Variants in RIMS2 observed in about 807,000 individuals in gnomAD.
The protein encoded by RIMS2 is regulating synaptic membrane exocytosis 2, also known as regulating synaptic membrane exocytosis protein 2.
RIMS2 carries 59 observed loss-of-function variants against 174.4 expected under a neutral mutation model. The observed-to-expected ratio is 0.34, with a 90% confidence interval of 0.27 to 0.42. The LOEUF (loss-of-function observed/expected upper bound fraction) is 0.42. Ranked by LOEUF, RIMS2 falls within the 10% of genes least tolerant of loss-of-function variation. The pLI, the probability that RIMS2 is intolerant of heterozygous loss-of-function variation, is 1.00. For synonymous variants in RIMS2, 606 were observed against 572.5 expected, an observed-to-expected ratio of 1.06 and a Z score of -0.84; for missense variants, 1,620 against 1,666.3, an observed-to-expected ratio of 0.97 and a Z score of 0.48.
At chr8:103,765,523 T>G (rs2098161345) in intron 2 of RIMS2, among the ~76,000 whole-genome samples, 2 of 152,172 alleles carry the variant, frequency 1.3e-5, no homozygotes, top group African/African-American at 2.4e-5. Context: ...ATGTTGTGTC[T>G]TTTGCCACAG....
chr8:103,604,309 T>A lies in RIMS2; in HGVS notation c.177-92777T>A, dbSNP rs199646990. Among the ~76,000 whole-genome samples, 9 of 151,776 alleles carry A rather than the reference T, an allele frequency of 5.9e-5. No homozygotes were observed. In the East Asian group the frequency reaches 7.7e-4, roughly 13 times the overall value. On this transcript the variant is annotated intron_variant, in intron 1 of 23. Coordinates refer to ENST00000504942, the Ensembl canonical transcript of RIMS2. ...GGTTTGTCAAAGATCAGATAGTTGT[T>A]GATATGCGGCGTTATTTCTGAGGGC...
chr8:104,128,654 G>A (rs969788805), intron 19 of RIMS2, among the ~76,000 whole-genome samples: 10 of 152,194 alleles, frequency 6.6e-5, no homozygotes, highest in Non-Finnish European at 1.0e-4. Context: ...CCAAGATCGC[G>A]CCATTGTACT....
intron 1 of RIMS2, among the ~76,000 whole-genome samples, chr8:103,541,596 T>A (rs1427578798): frequency 1.3e-5 from 2 of 152,140 alleles, no homozygotes; most frequent in Non-Finnish European, 2.9e-5. Context: ...ACTAGTAACA[T>A]GAACACATAT....
chr8:103,920,291 A>G (rs888668714), intron 9 of RIMS2, among the ~76,000 whole-genome samples: 67 of 152,058 alleles, frequency 4.4e-4, no homozygotes, highest in African/African-American at 1.5e-3. Context: ...TACATTACCA[A>G]AAGGAGCTAT....
chr8:103,616,705 A>T (rs2095512849), intron 1 of RIMS2, among the ~76,000 whole-genome samples: 1 of 152,170 alleles, frequency 6.6e-6, no homozygotes, highest in African/African-American at 2.4e-5. Flanking sequence ...AAAAAAAATC[A>T]CTAGTATTTC....
chr8:103,679,532 T>C (rs1169074373), intron 1 of RIMS2, among the ~76,000 whole-genome samples: 1 of 151,842 alleles, frequency 6.6e-6, no homozygotes, highest in African/African-American at 2.4e-5. Context: ...TATGAATAGG[T>C]AAACAACAAC....
intron 1 of RIMS2, among the ~76,000 whole-genome samples, chr8:103,656,544 A>G (rs952468929): frequency 7.9e-5 from 12 of 152,212 alleles, no homozygotes; most frequent in Admixed American, 7.9e-4. Context: ...TGGGAAAAAC[A>G]GACAAGCTGA....
intron 9 of RIMS2, chr8:103,920,560 A>G (rs75811709): frequency 6.9e-6 from 3 of 433,810 alleles, no homozygotes; most frequent in Non-Finnish European, 1.4e-5. Context: ...TTAATTTCCA[A>G]CACTAGTCTC....
chr8:103,565,850 A>G (rs556066749), intron 1 of RIMS2, among the ~76,000 whole-genome samples: 106 of 152,314 alleles, frequency 7.0e-4, no homozygotes, highest in Middle Eastern at 3.4e-3. Flanking sequence ...GGACGAGTCA[A>G]AGCAAAAGTA....
chr8:104,051,978 G>T (rs77862662), intron 19 of RIMS2, among the ~76,000 whole-genome samples: 4,085 of 152,204 alleles, frequency 0.027, 202 homozygotes, highest in African/African-American at 0.094. Context: ...AGTCTCTACA[G>T]CTTTGTTATA....
intron 19 of RIMS2, among the ~76,000 whole-genome samples, chr8:104,107,949 C>G (rs912687590): frequency 6.8e-6 from 1 of 147,326 alleles, no homozygotes; most frequent in Non-Finnish European, 1.5e-5. Context: ...AATAAATAGT[C>G]CAGGTGGTCT....
chr8:104,091,432 A>T (rs1205190916), intron 19 of RIMS2, among the ~76,000 whole-genome samples: 4 of 151,450 alleles, frequency 2.6e-5, no homozygotes, highest in Non-Finnish European at 5.9e-5. Flanking sequence ...CATACGGAGT[A>T]TAGTATCTAT....
chr8:104,211,189 C>G (rs1033083612), intron 19 of RIMS2, among the ~76,000 whole-genome samples: 1 of 151,812 alleles, frequency 6.6e-6, no homozygotes, highest in African/African-American at 2.4e-5. Flanking sequence ...AGGTTAGAGT[C>G]GAGTAGGGGT....
At chr8:103,516,159 T>G (rs1828862905) in intron 1 of RIMS2, among the ~76,000 whole-genome samples, 1 of 152,164 alleles carries the variant, frequency 6.6e-6, no homozygotes, top group South Asian at 2.1e-4. Flanking sequence ...TGCAGACATT[T>G]TAAAAAGTTA....
At chr8:103,946,255 G>T (rs146839508) in intron 14 of RIMS2, among the ~76,000 whole-genome samples, 1 of 152,300 alleles carries the variant, frequency 6.6e-6, no homozygotes, top group African/African-American at 2.4e-5. Flanking sequence ...ACTTTGGGAG[G>T]CTGAGGCAGG....
intron 19 of RIMS2, among the ~76,000 whole-genome samples, chr8:104,189,323 A>G (rs914465134): frequency 6.6e-6 from 1 of 151,900 alleles, no homozygotes; most frequent in African/African-American, 2.4e-5. Flanking sequence ...ACCTACAAAC[A>G]CAGGTCTCTG....
rs1170353786 is a variant in RIMS2, at chr8:104,109,296, CAAAAA to C, written c.3334+94698_3334+94702del. On this transcript the variant is annotated intron_variant, in intron 19 of 23. Coordinates refer to ENST00000504942, the Ensembl canonical transcript of RIMS2. Reference sequence around the variant, plus strand: ...TGGGCGACAGAGTGAGACTCTGTCTCAAAAAAAAAAAAAAAAAAAAAGAAATAATG... The same window carrying C: ...TGGGCGACAGAGTGAGACTCTGTCTCAAAAAAAAAAAAAAAAGAAATAATG... Among the ~76,000 whole-genome samples, 3 of 50,220 alleles carry C rather than the reference CAAAAA, an allele frequency of 6.0e-5. No homozygotes were observed. The East Asian group carries it at 1.6e-3, about 27-fold the overall frequency. The allele number at this position is 50,220 out of a possible 152,430, so 32.9% of individuals were successfully genotyped here.
intron 19 of RIMS2, among the ~76,000 whole-genome samples, chr8:104,070,872 G>A (rs568097363): frequency 2.6e-5 from 4 of 152,226 alleles, no homozygotes; most frequent in Non-Finnish European, 4.4e-5. Flanking sequence ...TGAAAAAAAT[G>A]TATAGTCTAA....
chr8:103,732,225 G>C (rs1168073750), intron 2 of RIMS2, among the ~76,000 whole-genome samples: 1 of 152,166 alleles, frequency 6.6e-6, no homozygotes, highest in Non-Finnish European at 1.5e-5. Flanking sequence ...TGGTGGTCTT[G>C]GGTAAGATCT....
Sources: allele counts gnomAD v4.1 joint callset (sites outside exome capture counted in the v4.1 genomes callset), GRCh38; gene constraint gnomAD v4.1.1; transcripts MANE v1.5; gene names NCBI Gene and HGNC (gene_info 2026-07-23, HGNC 2026-07-21).